ANKRD28: variants seen among roughly 807,000 people sequenced by gnomAD.
ANKRD28 encodes the protein ankyrin repeat domain 28.
A neutral mutation model predicts 126.5 loss-of-function variants in ANKRD28; 44 were observed. That is an observed-to-expected ratio of 0.35 (90% CI 0.27 to 0.45). The LOEUF (loss-of-function observed/expected upper bound fraction) is 0.45. Ranked by LOEUF, ANKRD28 falls within the 20% of genes least tolerant of loss-of-function variation. ANKRD28 has a pLI of 1.00. For missense variants in ANKRD28, 1,110 were observed against 1,316.6 expected, an observed-to-expected ratio of 0.84 and a Z score of 2.43; for synonymous variants, 442 against 468.5, an observed-to-expected ratio of 0.94 and a Z score of 0.73.
intron 1 of ANKRD28, among the ~76,000 whole-genome samples, chr3:15,813,028 A>G (rs896524536): frequency 2.6e-5 from 4 of 151,350 alleles, no homozygotes; most frequent in African/African-American, 7.3e-5. Flanking sequence ...TTCCAACATA[A>G]CAGCTTTTTA....
At chr3:15,702,879 G>A (rs2070817771) in intron 14 of ANKRD28, among the ~76,000 whole-genome samples, 1 of 147,360 alleles carries the variant, frequency 6.8e-6, no homozygotes, top group African/African-American at 2.5e-5. Context: ...AACCTTTATA[G>A]GAAGATTAGG....
intron 1 of ANKRD28, among the ~76,000 whole-genome samples, chr3:15,825,993 T>C (rs532829823): frequency 2.0e-5 from 3 of 152,098 alleles, no homozygotes; most frequent in South Asian, 4.1e-4. Context: ...CTTGTGACAA[T>C]ATAATCAGTA....
chr3:15,837,293 A>G (rs972901414), intron 1 of ANKRD28, among the ~76,000 whole-genome samples: 4 of 152,160 alleles, frequency 2.6e-5, no homozygotes, highest in African/African-American at 9.7e-5. Context: ...ACAACACTAT[A>G]AATTTGACCT....
chr3:15,815,996 C>G lies in ANKRD28; in HGVS notation c.28-20690G>C, dbSNP rs1341521348. On this transcript the variant is annotated intron_variant, in intron 1 of 27. Coordinates refer to the ANKRD28 transcript ENST00000399451. This position sits in a 1 kb window ranked among gnomAD's most constrained non-coding sequence, Gnocchi z 4.1. ...AAACAAAGGTTTCAAATAGAAGAGG[C>G]TTTACAGGTTTTCATAATTATGTTT... Among the ~76,000 whole-genome samples, 1 of 152,106 alleles carries G rather than the reference C, an allele frequency of 6.6e-6. No homozygotes were observed. The highest frequency in any genetic ancestry group is 1.5e-5 in the Non-Finnish European group (1 of 68,002).
chr3:15,741,053 GC>G (rs2075422654), intron 4 of ANKRD28, among the ~76,000 whole-genome samples: 1 of 152,122 alleles, frequency 6.6e-6, no homozygotes, highest in Non-Finnish European at 1.5e-5. Context: ...ACAAAAATTA[GC>G]CAGGTGGGGG....
intron 2 of ANKRD28, among the ~76,000 whole-genome samples, chr3:15,792,746 G>A (rs1284495735): frequency 6.6e-6 from 1 of 152,116 alleles, no homozygotes; most frequent in Non-Finnish European, 1.5e-5. Flanking sequence ...AAATGCTTGA[G>A]GGGATGAATA....
chr3:15,726,010 T>G (rs565329234), intron 6 of ANKRD28, among the ~76,000 whole-genome samples: 1 of 152,146 alleles, frequency 6.6e-6, no homozygotes, highest in South Asian at 2.1e-4. Flanking sequence ...GTCACTGCAC[T>G]CCAGCCTGGA....
At chr3:15,689,033 C>T (rs2068476325) in intron 18 of ANKRD28, among the ~76,000 whole-genome samples, 1 of 152,154 alleles carries the variant, frequency 6.6e-6, no homozygotes, top group Non-Finnish European at 1.5e-5. Context: ...TACATAAACC[C>T]AACTTCTAAG....
At chr3:15,819,836 T>C (rs894700438) in intron 1 of ANKRD28, among the ~76,000 whole-genome samples, 9 of 152,206 alleles carry the variant, frequency 5.9e-5, no homozygotes, top group African/African-American at 2.2e-4. Flanking sequence ...GGGTGGAGCC[T>C]GGGAATTTAT....
intron 1 of ANKRD28, among the ~76,000 whole-genome samples, chr3:15,808,989 C>T (rs1469422934): frequency 2.0e-5 from 3 of 151,896 alleles, no homozygotes; most frequent in African/African-American, 4.8e-5. Context: ...CTACACACAC[C>T]CCCCTTTTTT....
intron 5 of ANKRD28, among the ~76,000 whole-genome samples, chr3:15,736,507 A>G (rs996868601): frequency 6.6e-6 from 1 of 152,200 alleles, no homozygotes; most frequent in Non-Finnish European, 1.5e-5. Context: ...AGTTGGCTTC[A>G]AAGGTTCTTC....
intron 13 of ANKRD28, among the ~76,000 whole-genome samples, chr3:15,709,010 T>G (rs1444794795): frequency 6.6e-6 from 1 of 152,200 alleles, no homozygotes; most frequent in African/African-American, 2.4e-5. Flanking sequence ...TCCTGTATGG[T>G]TCTAATGCAC....
At chr3:15,708,545 C>A (rs1026773298) in intron 13 of ANKRD28, among the ~76,000 whole-genome samples, 6 of 152,006 alleles carry the variant, frequency 3.9e-5, no homozygotes, top group Admixed American at 1.3e-4. Flanking sequence ...CCTCTCAACT[C>A]AAAGCATTTT....
chr3:15,758,710 G>C (rs1276332207), intron 3 of ANKRD28, among the ~76,000 whole-genome samples: 1 of 152,140 alleles, frequency 6.6e-6, no homozygotes, highest in African/African-American at 2.4e-5. Context: ...CAGACTTACA[G>C]CCTCCAGAAC....
intron 1 of ANKRD28, among the ~76,000 whole-genome samples, chr3:15,859,106 G>T (rs148718211): frequency 2.0e-5 from 3 of 152,188 alleles, no homozygotes; most frequent in Non-Finnish European, 4.4e-5. Flanking sequence ...CAGCTCGCCC[G>T]ACGCGAGGGC....
At chr3:15,715,495 T>A (rs182664098) in intron 8 of ANKRD28, among the ~76,000 whole-genome samples, 43 of 152,344 alleles carry the variant, frequency 2.8e-4, no homozygotes, top group African/African-American at 1.0e-3. Flanking sequence ...GATTCCATAA[T>A]ATGAATTTTT....
chr3:15,828,016 A>G (rs1444617858), intron 1 of ANKRD28, among the ~76,000 whole-genome samples: 2 of 152,210 alleles, frequency 1.3e-5, no homozygotes, highest in African/African-American at 4.8e-5. Flanking sequence ...CAAAGTCATG[A>G]AATACCACTT....
chr3:15,683,185 A>T (rs914806441), intron 21 of ANKRD28, among the ~76,000 whole-genome samples: 5 of 152,094 alleles, frequency 3.3e-5, no homozygotes, highest in African/African-American at 1.2e-4. Context: ...GTTAATCTTC[A>T]GGGATATATT....
chr3:15,756,132 C>T (rs962041055), intron 3 of ANKRD28, among the ~76,000 whole-genome samples: 1 of 152,200 alleles, frequency 6.6e-6, no homozygotes, highest in East Asian at 1.9e-4. Flanking sequence ...TTCAGATAAA[C>T]GGCCAGAGCC....
Sources: allele counts gnomAD v4.1 joint callset (sites outside exome capture counted in the v4.1 genomes callset), GRCh38; gene constraint gnomAD v4.1.1; non-coding constraint Gnocchi (gnomAD v3.1); transcripts MANE v1.5; gene names NCBI Gene and HGNC (gene_info 2026-07-23, HGNC 2026-07-21).